MCC: variants seen among roughly 807,000 people sequenced by gnomAD.
MCC encodes the protein MCC regulator of Wnt signaling pathway, also known as colorectal mutant cancer protein.
A neutral mutation model predicts 116.2 loss-of-function variants in MCC; 90 were observed. The observed-to-expected ratio is 0.77, with a 90% confidence interval of 0.65 to 0.92. MCC has a LOEUF of 0.92. MCC is among the 40% of genes least tolerant of loss of function. MCC has a pLI of 0.00. For missense variants in MCC, 1,516 were observed against 1,312.2 expected (o/e 1.16, Z -2.40); for synonymous variants, 578 against 510.5 (o/e 1.13, Z -1.78).
At chr5:113,029,619 G>A (rs1482762606) in intron 17 of MCC, among the ~76,000 whole-genome samples, 1 of 152,070 alleles carries the variant, frequency 6.6e-6, no homozygotes, top group Non-Finnish European at 1.5e-5. Flanking sequence ...TTTTGACTAC[G>A]TGCCCTCCAC....
rs1769893696 is a variant in MCC, at chr5:113,408,364, G to A, written c.171-23152C>T. Among the ~76,000 whole-genome samples, 4 of 152,188 alleles carry A rather than the reference G, an allele frequency of 2.6e-5. No individual in the cohort carries two copies. The South Asian group carries it at 6.3e-4, about 24-fold the overall frequency. On this transcript the variant is annotated intron_variant, in intron 1 of 18. Transcript: ENST00000408903. ...ATTTTCAAAAGAAAAAAGAGGGAAG[G>A]GAAAGATGTTCTGGGATCAAATACG...
At chr5:113,287,051 A>G (rs1183201891) in intron 3 of MCC, among the ~76,000 whole-genome samples, 1 of 152,206 alleles carries the variant, frequency 6.6e-6, no homozygotes, top group Admixed American at 6.5e-5. Context: ...AGTGAAAGAT[A>G]TCACTGTTGG....
chr5:113,425,994 T>C (rs955261213), intron 1 of MCC, among the ~76,000 whole-genome samples: 10 of 151,794 alleles, frequency 6.6e-5, no homozygotes, highest in African/African-American at 2.4e-4. Flanking sequence ...AGGCAGAAGC[T>C]CAAAGAGAAT....
intron 3 of MCC, among the ~76,000 whole-genome samples, chr5:113,170,661 C>A (rs1321470507): frequency 6.6e-6 from 1 of 152,152 alleles, no homozygotes; most frequent in Non-Finnish European, 1.5e-5. Flanking sequence ...TTATATATAA[C>A]TCTCCTTACT....
chr5:113,043,486 A>G (rs79387181), intron 17 of MCC, 44 bp downstream of exon 17: 27,497 of 1,524,214 alleles, frequency 0.018, 1,293 homozygotes, highest in African/African-American at 0.17. Flanking sequence ...CAAAGTCTCC[A>G]TGCCCAGGAT....
chr5:113,047,563 G>C (rs1334739362), intron 16 of MCC, among the ~76,000 whole-genome samples: 3 of 152,154 alleles, frequency 2.0e-5, no homozygotes, highest in African/African-American at 7.2e-5. Flanking sequence ...TCTTTCCCAG[G>C]TATATGGCTC....
intron 1 of MCC, among the ~76,000 whole-genome samples, chr5:113,424,544 A>G (rs1770433548): frequency 2.6e-5 from 4 of 152,092 alleles, no homozygotes; most frequent in African/African-American, 9.7e-5. Flanking sequence ...GTGAAACACC[A>G]TCTCTACTAA....
At chr5:113,054,005 A>C (rs1752655658) in intron 14 of MCC, 46 bp from the exon 15 acceptor site, 1 of 1,365,372 alleles carries the variant, frequency 7.3e-7, no homozygotes, top group Non-Finnish European at 1.0e-6. Context: ...TGTTATTCCA[A>C]GTCATGGCAA....
intron 1 of MCC, among the ~76,000 whole-genome samples, chr5:113,463,599 G>C (rs913363875): frequency 2.6e-5 from 4 of 152,206 alleles, no homozygotes; most frequent in African/African-American, 9.6e-5. Flanking sequence ...AAGCCTGGAA[G>C]ATTAGTTTTG....
At chr5:113,466,263 A>G (rs1234824784) in intron 1 of MCC, among the ~76,000 whole-genome samples, 1 of 151,630 alleles carries the variant, frequency 6.6e-6, no homozygotes, top group Non-Finnish European at 1.5e-5. Context: ...TACATGTGCC[A>G]TGCTGGTGTG....
At chr5:113,478,926 G>A (rs527969156) in intron 1 of MCC, among the ~76,000 whole-genome samples, 10 of 152,222 alleles carry the variant, frequency 6.6e-5, no homozygotes, top group Non-Finnish European at 1.3e-4. Context: ...TTACATAAGC[G>A]ATATGAATAT....
At chr5:113,320,943 G>A (rs1358047424) in intron 3 of MCC, among the ~76,000 whole-genome samples, 1 of 152,170 alleles carries the variant, frequency 6.6e-6, no homozygotes, top group African/African-American at 2.4e-5. Flanking sequence ...ATTTCCAATA[G>A]CATAGCCTAC....
chr5:113,309,269 GA>G (rs1212048415), intron 3 of MCC, among the ~76,000 whole-genome samples: 1 of 152,130 alleles, frequency 6.6e-6, no homozygotes, highest in Non-Finnish European at 1.5e-5. Flanking sequence ...GTGGAGTCTG[GA>G]CTTTTTAGTG....
intron 1 of MCC, among the ~76,000 whole-genome samples, chr5:113,481,642 G>A (rs1427008071): frequency 6.6e-6 from 1 of 152,158 alleles, no homozygotes; most frequent in Non-Finnish European, 1.5e-5. Flanking sequence ...AGGAGGCTGA[G>A]GCAGAAGAAT....
At chr5:113,138,565 T>C (rs565742378) in intron 5 of MCC, among the ~76,000 whole-genome samples, 1 of 152,320 alleles carries the variant, frequency 6.6e-6, no homozygotes, top group East Asian at 1.9e-4. Flanking sequence ...AGCTTGTGTC[T>C]TAATCTTAGA....
At chr5:113,028,783 TAGAG>T (rs947820107) in intron 18 of MCC, 147 bp downstream of exon 18, 11 of 837,800 alleles carry the variant, frequency 1.3e-5, no homozygotes, top group Middle Eastern at 3.8e-4. Context: ...ACCAGGCTCT[TAGAG>T]AGCCAGGTAG....
At chr5:113,228,444 T>G (rs1199005001) in intron 3 of MCC, among the ~76,000 whole-genome samples, 1 of 151,954 alleles carries the variant, frequency 6.6e-6, no homozygotes, top group Non-Finnish European at 1.5e-5. Context: ...AATGTTAAGG[T>G]GACATTTGAG....
chr5:113,236,244 T>A (rs1190247688), intron 3 of MCC, among the ~76,000 whole-genome samples: 4 of 152,188 alleles, frequency 2.6e-5, no homozygotes, highest in Non-Finnish European at 5.9e-5. Context: ...TAAACCAATA[T>A]GCCTGAGCCT....
In MCC at chr5:113,380,491, G is replaced by C. The variant is rs1284220875; in HGVS notation, c.415+4477C>G. Among the ~76,000 whole-genome samples the C allele has an allele frequency of 3.5e-5, 5 of 144,260 alleles. No homozygotes were observed. In the East Asian group the frequency reaches 9.9e-4, roughly 28 times the overall value. 94.6% of individuals were successfully genotyped at this position (144,260 alleles called of 152,430 possible). A position where few individuals can be genotyped will look rare whatever the true frequency, so the allele number is the denominator to read the frequency against. On this transcript the variant is annotated intron_variant, in intron 2 of 18. Coordinates refer to ENST00000408903, the MANE Select transcript of MCC (RefSeq NM_001085377.2). ...CCTGTGTCCCTAAAGTAGCATGACA[G>C]TGCATTGCTCATTCATTCATTCATT...
Sources: allele counts gnomAD v4.1 joint callset (sites outside exome capture counted in the v4.1 genomes callset), GRCh38; gene constraint gnomAD v4.1.1; transcripts MANE v1.5; gene names NCBI Gene and HGNC (gene_info 2026-07-23, HGNC 2026-07-21).